NKAIN1: variants seen among roughly 807,000 people sequenced by gnomAD.
NKAIN1 encodes sodium/potassium-transporting ATPase subunit beta-1-interacting protein 1.
NKAIN1 carries 13 observed loss-of-function variants against 31.6 expected under a neutral mutation model. The ratio of observed to expected loss-of-function variants is 0.41; its 90% CI spans 0.27 to 0.65. The LOEUF (loss-of-function observed/expected upper bound fraction) is 0.65. Ranked by LOEUF, NKAIN1 falls within the 30% of genes least tolerant of loss-of-function variation. The probability of loss-of-function intolerance (pLI) is 0.30; values close to 1 mark genes in which losing one functional copy is unlikely to be tolerated. For synonymous variants in NKAIN1, 104 were observed against 109.0 expected, an observed-to-expected ratio of 0.95 and a Z score of 0.28; for missense variants, 193 against 262.2, an observed-to-expected ratio of 0.74 and a Z score of 1.82.
At chr1:31,182,422 C>G (rs1570446848) in intron 5 of NKAIN1, 108 bp downstream of exon 5, 4 of 1,251,160 alleles carry the variant, frequency 3.2e-6, no homozygotes, top group Admixed American at 1.8e-5. Flanking sequence ...GAAAGGGGCC[C>G]GTGGCCGACC....
chr1:31,216,078 C>A (rs1007806550), intron 1 of NKAIN1, among the ~76,000 whole-genome samples: 1 of 151,702 alleles, frequency 6.6e-6, no homozygotes, highest in Non-Finnish European at 1.5e-5. Context: ...GGCCCCACTG[C>A]AGCTTTGGGA....
chr1:31,194,717 T>C (rs1014791431), intron 1 of NKAIN1, among the ~76,000 whole-genome samples: 2 of 151,206 alleles, frequency 1.3e-5, no homozygotes, highest in African/African-American at 4.9e-5. Flanking sequence ...TGCTTTCTTT[T>C]TTCTTTTCAT....
intron 1 of NKAIN1, among the ~76,000 whole-genome samples, chr1:31,214,936 C>T (rs1347623196): frequency 6.6e-6 from 1 of 152,196 alleles, no homozygotes; most frequent in Admixed American, 6.5e-5. Context: ...CTAAGCCCTC[C>T]GGGCGCCCCC....
At chr1:31,236,702 G>A (rs1645695022) in intron 1 of NKAIN1, among the ~76,000 whole-genome samples, 1 of 152,220 alleles carries the variant, frequency 6.6e-6, no homozygotes, top group South Asian at 2.1e-4. Context: ...GGATGTGGGA[G>A]AAACCAGAAT....
intron 1 of NKAIN1, among the ~76,000 whole-genome samples, chr1:31,216,690 TTTTATTTATTTA>T (rs35212874): frequency 2.8e-5 from 4 of 140,490 alleles, no homozygotes; most frequent in South Asian, 2.4e-4. Flanking sequence ...TGGCATTGAC[TTTTATTTATTTA>T]TTTATTTATT....
At chr1:31,218,251 T>TG (rs1645533517) in intron 1 of NKAIN1, among the ~76,000 whole-genome samples, 1 of 151,708 alleles carries the variant, frequency 6.6e-6, no homozygotes, top group Non-Finnish European at 1.5e-5. Context: ...TTAGTAGAGA[T>TG]GGGGATTTCA....
At chr1:31,238,667 G>A (rs1291293411) in intron 1 of NKAIN1, among the ~76,000 whole-genome samples, 2 of 152,096 alleles carry the variant, frequency 1.3e-5, no homozygotes, top group African/African-American at 2.4e-5. Flanking sequence ...GTCCTCCCTA[G>A]GGCACCCAAG....
intron 1 of NKAIN1, among the ~76,000 whole-genome samples, chr1:31,196,443 G>T (rs866353567): frequency 1.5e-4 from 22 of 151,252 alleles, no homozygotes; most frequent in African/African-American, 5.1e-4. Flanking sequence ...AACCCAGGAG[G>T]CGGAGCCTGC....
At chr1:31,213,392 C>T (rs1026244549) in intron 1 of NKAIN1, among the ~76,000 whole-genome samples, 3 of 151,608 alleles carry the variant, frequency 2.0e-5, no homozygotes, top group East Asian at 1.9e-4. Context: ...TACTTCACAC[C>T]CACTAGGGTG....
At chr1:31,190,118 G>A (rs1473284687) in intron 1 of NKAIN1, among the ~76,000 whole-genome samples, 1 of 152,190 alleles carries the variant, frequency 6.6e-6, no homozygotes, top group South Asian at 2.1e-4. Flanking sequence ...GCTGGGGAGG[G>A]GGAGGGAATA....
chr1:31,188,918 TGA>T (rs1453603155), intron 1 of NKAIN1, among the ~76,000 whole-genome samples: 1 of 151,358 alleles, frequency 6.6e-6, no homozygotes, highest in Non-Finnish European at 1.5e-5. Context: ...GAGGCTTAGG[TGA>T]GAGAATCTCT....
chr1:31,211,625 A>G (rs1473111692), intron 1 of NKAIN1, among the ~76,000 whole-genome samples: 1 of 147,466 alleles, frequency 6.8e-6, no homozygotes, highest in African/African-American at 2.5e-5. Flanking sequence ...TCAGGAATGT[A>G]TAAGTTGGCC....
chr1:31,191,400 GTTTTT>G (rs34521416), intron 1 of NKAIN1, among the ~76,000 whole-genome samples: 5 of 134,140 alleles, frequency 3.7e-5, no homozygotes, highest in Admixed American at 7.4e-5. Context: ...ACAGAGAGAG[GTTTTT>G]TTTTTTTTTT....
chr1:31,215,237 C>A (rs1645501955), intron 1 of NKAIN1, among the ~76,000 whole-genome samples: 1 of 152,200 alleles, frequency 6.6e-6, no homozygotes, highest in Non-Finnish European at 1.5e-5. Context: ...GTCTGCCTAG[C>A]AACAGCAGTG....
At chr1:31,192,078 C>T (rs1645290021) in intron 1 of NKAIN1, among the ~76,000 whole-genome samples, 1 of 152,086 alleles carries the variant, frequency 6.6e-6, no homozygotes. Context: ...GCTGGGCCTC[C>T]CTTTGGCTTT....
At chr1:31,187,006 C>A (rs1003933495) in intron 2 of NKAIN1, among the ~76,000 whole-genome samples, 2 of 152,220 alleles carry the variant, frequency 1.3e-5, no homozygotes, top group African/African-American at 4.8e-5. Context: ...ATTCTAGTGG[C>A]TGTCACCTGG....
intron 4 of NKAIN1, among the ~76,000 whole-genome samples, chr1:31,183,151 A>C (rs1407796763): frequency 6.6e-6 from 1 of 152,016 alleles, no homozygotes; most frequent in African/African-American, 2.4e-5. Context: ...CATCACGCCC[A>C]CTGGGGTCAC....
chr1:31,200,351 G>GT (rs1455064306), intron 1 of NKAIN1, among the ~76,000 whole-genome samples: 2 of 151,944 alleles, frequency 1.3e-5, no homozygotes, highest in Admixed American at 1.3e-4. Context: ...GTTATGAGAT[G>GT]TTATTTCTAG....
chr1:31,225,877 G>A (rs140730998), intron 1 of NKAIN1, among the ~76,000 whole-genome samples: 8 of 152,188 alleles, frequency 5.3e-5, no homozygotes, highest in Non-Finnish European at 8.8e-5. Flanking sequence ...CTCACATTTC[G>A]GTGACTGCCA....
Sources: allele counts gnomAD v4.1 joint callset (sites outside exome capture counted in the v4.1 genomes callset), GRCh38; gene constraint gnomAD v4.1.1; transcripts MANE v1.5; gene names NCBI Gene and HGNC (gene_info 2026-07-23, HGNC 2026-07-21).